Variants in PKM observed in about 807,000 individuals in gnomAD.
The protein encoded by PKM is pyruvate kinase M1/2.
PKM carries 18 observed loss-of-function variants against 49.8 expected under a neutral mutation model. The ratio of observed to expected loss-of-function variants is 0.36; its 90% CI spans 0.25 to 0.54. The LOEUF (loss-of-function observed/expected upper bound fraction) is 0.54, where lower values mean the gene tolerates loss of function less well. Ranked by LOEUF, PKM falls within the 20% of genes least tolerant of loss-of-function variation. The probability of loss-of-function intolerance (pLI) is 0.89; values close to 1 mark genes in which losing one functional copy is unlikely to be tolerated. For missense variants in PKM, 508 were observed against 713.8 expected (o/e 0.71, Z 3.28); for synonymous variants, 239 against 261.8 (o/e 0.91, Z 0.84).
Position 72,202,544 on chromosome 15 carries a change from C to T in PKM, c.1217G>A (p.Ser406Asn), listed in dbSNP as rs1176218893. The change falls in exon 9 of 11, where the codon AGC (serine) becomes AAC (asparagine). Residue 406 changes from serine (S) to asparagine (N), a missense_variant. Physicochemically the swap from Ser to Asn is conservative, Grantham distance 46. Coordinates refer to ENST00000335181, the MANE Select transcript of PKM (RefSeq NM_002654.6). This position sits in a 1 kb window ranked among gnomAD's most constrained non-coding sequence, Gnocchi z 4.5. ...CACGGCGGTGGCTTCTGTGGGGTCG[C>T]TGGTAATGGGCGCCAGGCGGCGGAG... ...EELRRLAPIT[S>N]DPTEATAVGA... The T allele has an allele frequency of 6.2e-7, 1 of 1,613,620 alleles. No homozygotes were observed. Among genetic ancestry groups the T allele is most frequent in the Admixed American group, 1.7e-5 (1 of 59,992 alleles).
In PKM at chr15:72,204,588, C is replaced by T. The variant is rs2082026199; in HGVS notation, c.1141-1968G>A. On this transcript the variant is annotated intron_variant, in intron 8 of 10. Transcript: ENST00000335181. Reference sequence around the variant, plus strand: ...AACCCAGGCTTTATTGGCCATATAACCCTCATCTATAAATGGAGGTAATGG... The same window carrying T: ...AACCCAGGCTTTATTGGCCATATAATCCTCATCTATAAATGGAGGTAATGG... The T allele has an allele frequency of 1.3e-5, 2 of 152,166 alleles. 1 individual carries two copies. The highest frequency in any genetic ancestry group is 2.9e-5 in the Non-Finnish European group (2 of 68,026). 9.4% of individuals were successfully genotyped at this position (152,166 alleles called of 1,614,324 possible). A position where few individuals can be genotyped will look rare whatever the true frequency, so the allele number is the denominator to read the frequency against.
At chr15:72,218,119 T>C (rs1387946324) in intron 2 of PKM, among the ~76,000 whole-genome samples, 3 of 152,064 alleles carry the variant, frequency 2.0e-5, no homozygotes, top group Non-Finnish European at 4.4e-5. Context: ...GATGTTTTTT[T>C]CTTTTTTCTT....
At chr15:72,210,087 G>C (rs1176453747) in intron 4 of PKM, 1 of 619,694 alleles carries the variant, frequency 1.6e-6, no homozygotes, top group East Asian at 2.7e-5. Context: ...GATACAAAGA[G>C]ATGGTTCTCC....
chr15:72,223,102 T>A lies in PKM; in HGVS notation c.-13-3992A>T, dbSNP rs1204155273. The stretch of plus-strand genomic sequence containing the variant: ...TGGTGTGATTATATTATATTATAGC[T>A]CACTGCACCCTCAAACGATCCTCCA... On this transcript the variant is annotated intron_variant, in intron 1 of 10. Transcript: ENST00000335181. 3.3e-5 allele frequency among the ~76,000 whole-genome samples: 5 copies of A among 150,024 alleles called. No homozygotes were observed. In the Admixed American group the frequency reaches 3.3e-4, roughly 10 times the overall value.
chr15:72,213,784 G>C (rs1371276062), intron 3 of PKM, among the ~76,000 whole-genome samples: 1 of 151,990 alleles, frequency 6.6e-6, no homozygotes, highest in Admixed American at 6.5e-5. Flanking sequence ...TCTATCTTTT[G>C]GATATTTATC....
chr15:72,215,795 C>CA (rs1242059221), intron 3 of PKM, among the ~76,000 whole-genome samples: 1 of 152,120 alleles, frequency 6.6e-6, no homozygotes, highest in Non-Finnish European at 1.5e-5. Context: ...ACTACAGCAG[C>CA]AGGGATCAAC....
Position 72,202,897 on chromosome 15 carries a change from G to T in PKM, c.1141-277C>A. Reference sequence around the variant, plus strand: ...CTGCCCTGCCATGACCTCCCTGGCGGTGTTCCTACAGACGAGAAGAGGCTC... The same window carrying T: ...CTGCCCTGCCATGACCTCCCTGGCGTTGTTCCTACAGACGAGAAGAGGCTC... On this transcript the variant is annotated intron_variant, in intron 8 of 10. Transcript: ENST00000335181. The surrounding 1 kb of genome is among the most constrained non-coding windows in gnomAD (Gnocchi z 4.5). 9.8e-7 allele frequency: 1 copy of T among 1,023,814 alleles called. No individual in the cohort carries two copies. The highest frequency in any genetic ancestry group is 1.5e-6 in the Non-Finnish European group (1 of 659,402). 63.4% of individuals were successfully genotyped at this position (1,023,814 alleles called of 1,614,324 possible). A position where few individuals can be genotyped will look rare whatever the true frequency, so the allele number is the denominator to read the frequency against.
At chr15:72,230,822 A>C in intron 1 of PKM, 1 of 692,034 alleles carries the variant, frequency 1.4e-6, no homozygotes, top group Non-Finnish European at 2.1e-6. Flanking sequence ...AGGCGCATTG[A>C]GGATTGGGGC....
intron 4 of PKM, 70 bp downstream of exon 4, chr15:72,210,277 G>T: frequency 6.5e-7 from 1 of 1,541,414 alleles, no homozygotes; most frequent in Non-Finnish European, 8.9e-7. Flanking sequence ...GCAACCCAGC[G>T]CTTTGGAGGA....
intron 8 of PKM, chr15:72,203,040 A>T: frequency 1.2e-6 from 2 of 1,614,206 alleles, no homozygotes; most frequent in Non-Finnish European, 1.7e-6. Flanking sequence ...CTCCGTCAGA[A>T]CTATCAAAGC....
At chr15:72,207,084 T>C (rs1248342751) in intron 7 of PKM, 43 bp downstream of exon 7, 4 of 1,609,786 alleles carry the variant, frequency 2.5e-6, no homozygotes, top group Non-Finnish European at 3.4e-6. Context: ...CATACAAACA[T>C]GCGAGTGTGC....
chr15:72,213,845 A>G (rs372654370), intron 3 of PKM, among the ~76,000 whole-genome samples: 1 of 152,218 alleles, frequency 6.6e-6, no homozygotes, highest in East Asian at 1.9e-4. Flanking sequence ...ATTAAGTTAT[A>G]AGTCTTTCTT....
At chr15:72,220,861 A>G (rs1316863785) in intron 1 of PKM, among the ~76,000 whole-genome samples, 1 of 152,096 alleles carries the variant, frequency 6.6e-6, no homozygotes, top group African/African-American at 2.4e-5. Context: ...CCCTTTCCCT[A>G]CACTCATGGT....
At chr15:72,210,727 A>T (rs961232530) in intron 3 of PKM, among the ~76,000 whole-genome samples, 2 of 152,178 alleles carry the variant, frequency 1.3e-5, no homozygotes, top group Non-Finnish European at 2.9e-5. Flanking sequence ...GTAGGTGGCA[A>T]ATTTCAGAAT....
At chr15:72,219,155 G>A in intron 1 of PKM, 45 bp from the exon 2 acceptor site, 1 of 1,556,036 alleles carries the variant, frequency 6.4e-7, no homozygotes, top group South Asian at 1.1e-5. Context: ...CTGAGAAGTG[G>A]TTAATATACC....
intron 1 of PKM, among the ~76,000 whole-genome samples, chr15:72,220,858 C>A (rs1225524996): frequency 1.3e-5 from 2 of 152,192 alleles, no homozygotes; most frequent in Admixed American, 6.5e-5. Flanking sequence ...GGTCCCTTTC[C>A]CTACACTCAT....
Position 72,231,150 on chromosome 15 carries a change from G to C in PKM, c.-48C>G. Reference sequence around the variant, plus strand: ...TGACCGACTCGGGCTACGCTGCAAAGACGAAGAGATCCGGAGCCACGGCGC... The same window carrying C: ...TGACCGACTCGGGCTACGCTGCAAACACGAAGAGATCCGGAGCCACGGCGC... On this transcript the variant is annotated 5_prime_UTR_variant, in exon 1 of 11. Transcript: ENST00000335181. 1 of 307,274 alleles carries C rather than the reference G, an allele frequency of 3.3e-6. No individual in the cohort carries two copies. 19.0% of individuals were successfully genotyped at this position (307,274 alleles called of 1,614,324 possible). A position where few individuals can be genotyped will look rare whatever the true frequency, so the allele number is the denominator to read the frequency against.
chr15:72,205,421 T>A (rs1486713648), intron 8 of PKM, among the ~76,000 whole-genome samples: 1 of 152,148 alleles, frequency 6.6e-6, no homozygotes, highest in African/African-American at 2.4e-5. Flanking sequence ...CCCTGGCCTC[T>A]ACCAATTTAA....
chr15:72,210,928 T>C (rs147522508), intron 3 of PKM, among the ~76,000 whole-genome samples: 1,794 of 152,320 alleles, frequency 0.012, 35 homozygotes, highest in African/African-American at 0.041. Context: ...CACATTCTGA[T>C]ATATGTGGTA....
Sources: gnomAD v4.1 joint callset for allele counts (sites outside exome capture counted in the v4.1 genomes callset) on GRCh38, gnomAD v4.1.1 for gene constraint, Gnocchi (gnomAD v3.1) non-coding constraint, MANE v1.5 for transcripts, NCBI Gene and HGNC (gene_info 2026-07-23, HGNC 2026-07-21) for gene names.